Variants in CAPG observed in about 807,000 individuals in gnomAD.
The protein encoded by CAPG is capping actin protein, gelsolin like.
CAPG carries 32 observed loss-of-function variants against 44.6 expected under a neutral mutation model. The ratio of observed to expected loss-of-function variants is 0.72; its 90% CI spans 0.54 to 0.96. The LOEUF (loss-of-function observed/expected upper bound fraction) is 0.96, where lower values mean the gene tolerates loss of function less well. Ranked by LOEUF, CAPG falls within the 50% of genes least tolerant of loss-of-function variation. CAPG has a pLI of 0.00. For missense variants in CAPG, 412 were observed against 438.3 expected (o/e 0.94, Z 0.54); for synonymous variants, 175 against 179.6 (o/e 0.97, Z 0.20).
chr2:85,399,075 C>T lies in CAPG; in HGVS notation c.666+61G>A, dbSNP rs1179804897. 3.8e-6 allele frequency: 6 copies of T among 1,560,904 alleles called. No homozygotes were observed. In the East Asian group the frequency reaches 1.4e-4, roughly 35 times the overall value. Reference sequence around the variant, plus strand: ...GCCACTCTCAGCCCTCAGCTCATCACCACCTCTCTTGGCCACTTTCAAGCA... The same window carrying T: ...GCCACTCTCAGCCCTCAGCTCATCATCACCTCTCTTGGCCACTTTCAAGCA... On this transcript the variant is annotated intron_variant, in intron 6 of 9. Coordinates refer to ENST00000263867, the MANE Select transcript of CAPG (RefSeq NM_001747.4).
At position 85,395,338 on chromosome 2, in the gene CAPG, CA is replaced by C. The variant is rs552781602; in HGVS notation, c.981+199del. ...TCTGGGCACCCAGGAGAGTGCTGCCCAACATCCTCTTTGAAAATAATAAGTA... is the reference window on the plus strand; with the variant it reads ...TCTGGGCACCCAGGAGAGTGCTGCCCACATCCTCTTTGAAAATAATAAGTA... On this transcript the variant is annotated intron_variant, in intron 9 of 9. Coordinates refer to ENST00000263867, the MANE Select transcript of CAPG (RefSeq NM_001747.4). The surrounding 1 kb of genome is among the most constrained non-coding windows in gnomAD (Gnocchi z 4.3). Among the ~76,000 whole-genome samples, 85 of 152,270 alleles carry C rather than the reference CA, an allele frequency of 5.6e-4. 4 individuals are homozygous for C. The South Asian group carries it at 0.017, about 30-fold the overall frequency.
At chr2:85,406,451 C>T (rs1298724763) in intron 1 of CAPG, among the ~76,000 whole-genome samples, 1 of 152,106 alleles carries the variant, frequency 6.6e-6, no homozygotes, top group Non-Finnish European at 1.5e-5. Context: ...ACCTAGAACC[C>T]CCTACCCTTG....
downstream of CAPG, chr2:85,391,603 T>A (rs1686359636): frequency 6.5e-6 from 1 of 153,020 alleles, no homozygotes; most frequent in Non-Finnish European, 1.5e-5. Context: ...TTTGGCTAGG[T>A]GTCTCTCACG....
intron 1 of CAPG, among the ~76,000 whole-genome samples, chr2:85,404,273 C>T (rs1489584245): frequency 1.1e-5 from 1 of 94,472 alleles, no homozygotes; most frequent in Admixed American, 1.1e-4. Context: ...GCTCACAACG[C>T]AAAAAAAAAA....
intron 1 of CAPG, among the ~76,000 whole-genome samples, chr2:85,406,445 A>G (rs1340527941): frequency 2.0e-5 from 3 of 152,252 alleles, no homozygotes; most frequent in Non-Finnish European, 4.4e-5. Flanking sequence ...CCATTTACCT[A>G]GAACCCCCTA....
intron 1 of CAPG, among the ~76,000 whole-genome samples, chr2:85,417,874 C>G (rs1174307737): frequency 6.6e-6 from 1 of 152,166 alleles, no homozygotes; most frequent in Admixed American, 6.5e-5. Context: ...ACACCTCACT[C>G]ATAACCTGGA....
upstream of CAPG, among the ~76,000 whole-genome samples, chr2:85,411,852 A>C (rs536640705): frequency 2.0e-5 from 3 of 152,116 alleles, no homozygotes; most frequent in Non-Finnish European, 4.4e-5. Context: ...ACCTGAGGTC[A>C]GGAGTTCAAG....
intron 1 of CAPG, among the ~76,000 whole-genome samples, chr2:85,415,621 C>A (rs529274952): frequency 6.6e-6 from 1 of 152,248 alleles, no homozygotes; most frequent in East Asian, 1.9e-4. Flanking sequence ...ATCCCAGCAC[C>A]CTGCATAGCG....
At chr2:85,405,665 C>T (rs1256375462) in intron 1 of CAPG, among the ~76,000 whole-genome samples, 2 of 152,178 alleles carry the variant, frequency 1.3e-5, no homozygotes, top group African/African-American at 2.4e-5. Context: ...TGAATTATGA[C>T]TTTCCTTTTC....
rs1686920621 is a variant in CAPG, at chr2:85,401,923, C to T, written c.58G>A (p.Gly20Ser). The change falls in exon 3 of 10, where the codon GGC (glycine) becomes AGC (serine). Residue 20 changes from glycine (G) to serine (S), a missense_variant. Gly to Ser is a moderately conservative substitution (Grantham distance 56, BLOSUM62 0). Transcript: ENST00000263867. ...TTCTCCACCCGCCACACATGCAGGC[C>T]TGGATCCTGCACTGAGCCTGGGAAT... The part of the protein sequence containing the change: ...SPFPGSVQDP[G>S]LHVWRVEKLK... The T allele has an allele frequency of 6.2e-7, 1 of 1,614,074 alleles. No homozygotes were observed. The highest frequency in any genetic ancestry group is 8.5e-7 in the Non-Finnish European group (1 of 1,180,004).
chr2:85,410,429 G>C (rs1401425154), upstream of CAPG: 2 of 152,354 alleles, frequency 1.3e-5, no homozygotes, highest in Non-Finnish European at 2.9e-5. Context: ...CCACCCCTGG[G>C]CTCCTTCCCC....
intron 5 of CAPG, among the ~76,000 whole-genome samples, chr2:85,399,907 A>G (rs185415308): frequency 8.4e-4 from 128 of 151,990 alleles, no homozygotes; most frequent in Middle Eastern, 3.4e-3. Context: ...AGGCCCGGCT[A>G]ATTTTATATT....
At chr2:85,394,727 A>C (rs760967491), downstream of CAPG, 1 of 673,306 alleles carries the variant, frequency 1.5e-6, no homozygotes, top group Non-Finnish European at 2.7e-6. Flanking sequence ...GGTGGGTGAC[A>C]GTGAGAATCA....
chr2:85,401,236 G>A lies in CAPG; in HGVS notation c.445C>T (p.Arg149Cys), dbSNP rs200720697. Residue 149 changes from arginine (R) to cysteine (C), a missense_variant, in exon 5 of 10, where the codon CGT becomes TGT. Transcript: ENST00000263867. Reference protein sequence around the residue: ...LYQVKGKKNIRATERALNWDS... With the variant: ...LYQVKGKKNICATERALNWDS... ...CAGTTCAGTGCCCGCTCGGTGGCAC[G>A]GATGTTCTTCTTCCCCTTCACCTGG... 83 of 1,614,026 alleles carry A rather than the reference G, an allele frequency of 5.1e-5. No homozygotes were observed. Among genetic ancestry groups the A allele is most frequent in the Middle Eastern group, 1.6e-4 (1 of 6,084 alleles).
chr2:85,407,653 C>A (rs1001417123), intron 1 of CAPG, among the ~76,000 whole-genome samples: 3 of 137,110 alleles, frequency 2.2e-5, no homozygotes, highest in Non-Finnish European at 3.0e-5. Context: ...GTGGAGGTTG[C>A]AGTAAGCCGA....
In CAPG at chr2:85,398,742, T is replaced by C; in HGVS notation, c.707A>G (p.Glu236Gly). ...PKPALKEGNP[E>G]EDLTADKANA... ...TGCCTTGTCAGCTGTGAGGTCTTCC[T>C]CAGGGTTGCCCTCCTTCAGAGCAGG... Residue 236 changes from glutamate (E) to glycine (G), a missense_variant, in exon 7 of 10, where the codon GAG becomes GGG. Glu to Gly is a moderately conservative substitution (Grantham distance 98, BLOSUM62 -2). Transcript: ENST00000263867. 1 of 1,608,102 alleles carries C rather than the reference T, an allele frequency of 6.2e-7. No homozygotes were observed. The highest frequency in any genetic ancestry group is 8.5e-7 in the Non-Finnish European group (1 of 1,177,400).
intron 4 of CAPG, 49 bp from the exon 5 acceptor site, chr2:85,401,378 C>T (rs1192900368): frequency 6.3e-7 from 1 of 1,591,290 alleles, no homozygotes; most frequent in East Asian, 2.2e-5. Flanking sequence ...GACCCAGAGC[C>T]CTCTGCACCC....
chr2:85,416,539 C>T (rs926909587), intron 1 of CAPG, among the ~76,000 whole-genome samples: 2 of 152,038 alleles, frequency 1.3e-5, no homozygotes, highest in African/African-American at 4.8e-5. Context: ...GAGACAGAGT[C>T]TCACTCTTGT....
chr2:85,408,338 T>TCTCACA lies in CAPG; in HGVS notation c.-14+1978_-14+1979insTGTGAG, dbSNP rs1425371847. On this transcript the variant is annotated intron_variant, in intron 1 of 9. Transcript: ENST00000263867. ...GCCTGGGCAACAGAGGAAGAATCTGTCACACACACACACACACACACACAC... is the reference window on the plus strand; with the variant it reads ...GCCTGGGCAACAGAGGAAGAATCTGTCTCACACACACACACACACACACACACACAC... Among the ~76,000 whole-genome samples the TCTCACA allele has an allele frequency of 8.5e-5, 11 of 129,574 alleles. No individual in the cohort carries two copies. The East Asian group carries it at 2.0e-3, about 24-fold the overall frequency. The allele number at this position is 129,574 out of a possible 152,430, so 85.0% of individuals were successfully genotyped here.
Sources: allele counts gnomAD v4.1 joint callset (sites outside exome capture counted in the v4.1 genomes callset), GRCh38; gene constraint gnomAD v4.1.1; non-coding constraint Gnocchi (gnomAD v3.1); transcripts MANE v1.5; gene names NCBI Gene and HGNC (gene_info 2026-07-23, HGNC 2026-07-21).